USP45: variants seen among roughly 807,000 people sequenced by gnomAD.
USP45 encodes the protein ubiquitin specific peptidase 45.
In USP45, 89 loss-of-function variants were observed where a neutral mutation model predicts 95.8. The observed-to-expected ratio is 0.93, with a 90% CI of 0.78 to 1.11. USP45 has a LOEUF of 1.11. Ranked by LOEUF, USP45 falls within the 50% of genes least tolerant of loss-of-function variation. The pLI, the probability that USP45 is intolerant of heterozygous loss-of-function variation, is 0.00. For missense variants in USP45, 898 were observed against 942.5 expected, an observed-to-expected ratio of 0.95 and a Z score of 0.62; for synonymous variants, 281 against 316.2, an observed-to-expected ratio of 0.89 and a Z score of 1.18.
At chr6:99,447,932 C>A (rs1367271747) in intron 13 of USP45, among the ~76,000 whole-genome samples, 1 of 152,200 alleles carries the variant, frequency 6.6e-6, no homozygotes, top group African/African-American at 2.4e-5. Context: ...TCCAGGCAAA[C>A]AGGGCCTGGA....
chr6:99,438,222 T>A (rs1178871296), intron 16 of USP45, among the ~76,000 whole-genome samples: 1 of 152,118 alleles, frequency 6.6e-6, no homozygotes, highest in Non-Finnish European at 1.5e-5. Context: ...TATCTCTAAA[T>A]GGTGCTATGG....
rs1366742126 is a variant in USP45, at chr6:99,433,656, A to G, written c.*2060T>C. 3 of 152,254 alleles carry G rather than the reference A, an allele frequency of 2.0e-5. No homozygotes were observed. The highest frequency in any genetic ancestry group is 4.4e-5 in the Non-Finnish European group (3 of 68,046). The allele number at this position is 152,254 out of a possible 1,614,324, so 9.4% of individuals were successfully genotyped here. ...TAAGTAGCTCCTTTAACATGAAGAA[A>G]ATGACAATAAAAATATCTTACTTGC... is the stretch of plus-strand genomic sequence containing the variant. On this transcript the variant is annotated 3_prime_UTR_variant, in exon 18 of 18. Coordinates refer to ENST00000500704, the MANE Select transcript of USP45 (RefSeq NM_001346022.3).
intron 5 of USP45, chr6:99,502,050 C>T (rs547497136): frequency 1.6e-6 from 2 of 1,277,366 alleles, no homozygotes; most frequent in South Asian, 1.3e-5. Context: ...TGTTGGGGGC[C>T]TAGAGACTGA....
intron 5 of USP45, among the ~76,000 whole-genome samples, chr6:99,492,431 A>C (rs929339263): frequency 6.6e-6 from 1 of 152,232 alleles, no homozygotes; most frequent in African/African-American, 2.4e-5. Context: ...TTTTACATGT[A>C]AGTCTGTGAG....
chr6:99,446,850 C>T (rs1782654870), intron 13 of USP45, among the ~76,000 whole-genome samples: 1 of 152,128 alleles, frequency 6.6e-6, no homozygotes, highest in African/African-American at 2.4e-5. Context: ...CTCAAGTGAT[C>T]CTCCCACCTC....
At chr6:99,450,967 T>C (rs1431501278) in intron 13 of USP45, among the ~76,000 whole-genome samples, 1 of 152,210 alleles carries the variant, frequency 6.6e-6, no homozygotes, top group South Asian at 2.1e-4. Context: ...AGAAAAGGCC[T>C]TTGACAAAAT....
At chr6:99,449,483 A>C (rs1783354302) in intron 13 of USP45, among the ~76,000 whole-genome samples, 2 of 148,080 alleles carry the variant, frequency 1.4e-5, no homozygotes, top group South Asian at 4.4e-4. Context: ...CTAAATATAT[A>C]TGCACCCAAT....
At chr6:99,442,033 C>CAA (rs1162468318) in intron 15 of USP45, among the ~76,000 whole-genome samples, 2 of 152,160 alleles carry the variant, frequency 1.3e-5, no homozygotes, top group African/African-American at 4.8e-5. Flanking sequence ...CTGCTCCCTA[C>CAA]AATGCCCAAA....
intron 5 of USP45, among the ~76,000 whole-genome samples, chr6:99,490,634 G>A (rs1404953449): frequency 6.6e-6 from 1 of 152,018 alleles, no homozygotes; most frequent in Admixed American, 6.6e-5. Flanking sequence ...AAGGGGTACA[G>A]CACTGGGGGG....
chr6:99,460,198 A>G (rs1001862716), intron 13 of USP45, among the ~76,000 whole-genome samples: 11 of 79,576 alleles, frequency 1.4e-4, no homozygotes, highest in Non-Finnish European at 1.5e-4. Context: ...CTGTAGTATA[A>G]TTTAGCAAAG....
chr6:99,515,043 A>AACAC (rs1031763947), intron 1 of USP45: 1 of 152,236 alleles, frequency 6.6e-6, no homozygotes. Flanking sequence ...TCCGGTCACC[A>AACAC]ACACACACAC....
At chr6:99,473,777 AACAC>A (rs60031754) in intron 9 of USP45, among the ~76,000 whole-genome samples, 10 of 127,736 alleles carry the variant, frequency 7.8e-5, no homozygotes, top group East Asian at 4.8e-4. Context: ...AAAAAAACAA[AACAC>A]ACACACACAC....
intron 1 of USP45, among the ~76,000 whole-genome samples, chr6:99,512,690 T>C (rs929642268): frequency 1.3e-5 from 2 of 152,150 alleles, no homozygotes; most frequent in Non-Finnish European, 2.9e-5. Context: ...AGCTTTCAAG[T>C]TTACCATTAA....
At chr6:99,487,882 C>G (rs1794339319) in intron 7 of USP45, among the ~76,000 whole-genome samples, 1 of 152,090 alleles carries the variant, frequency 6.6e-6, no homozygotes, top group African/African-American at 2.4e-5. Flanking sequence ...ACAAATGTCA[C>G]CAGAAACTAC....
intron 13 of USP45, among the ~76,000 whole-genome samples, chr6:99,459,682 G>A (rs758160788): frequency 1.3e-5 from 2 of 152,152 alleles, no homozygotes; most frequent in African/African-American, 2.4e-5. Flanking sequence ...TCTGACTGGT[G>A]TGACATGGTA....
chr6:99,485,689 C>A lies in USP45; in HGVS notation c.714+2511G>T, dbSNP rs1017722294. Among the ~76,000 whole-genome samples the A allele has an allele frequency of 5.9e-5, 9 of 152,262 alleles. No homozygotes were observed. In the South Asian group the frequency reaches 1.7e-3, roughly 28 times the overall value. On this transcript the variant is annotated intron_variant, in intron 7 of 17. Coordinates refer to ENST00000500704, the MANE Select transcript of USP45 (RefSeq NM_001346022.3). ...CATCAAGTTATACACTCATAATATA[C>A]ATTTTAAAGAATATTTTCATTAAAT...
intron 5 of USP45, 44 bp downstream of exon 5, chr6:99,503,721 T>C: frequency 7.8e-7 from 1 of 1,278,590 alleles, no homozygotes; most frequent in Non-Finnish European, 1.1e-6. Context: ...CTATATGAAA[T>C]ACTGTATTTT....
chr6:99,510,987 A>T (rs1799658778), intron 1 of USP45, among the ~76,000 whole-genome samples: 1 of 152,102 alleles, frequency 6.6e-6, no homozygotes, highest in Non-Finnish European at 1.5e-5. Flanking sequence ...TAGTAAAGCC[A>T]CTCTATACCT....
intron 13 of USP45, chr6:99,462,753 G>A: frequency 1.1e-6 from 1 of 931,660 alleles, no homozygotes; most frequent in Non-Finnish European, 1.3e-6. Context: ...ACCAAGGCAG[G>A]TAGATCACTT....
Sources: allele counts gnomAD v4.1 joint callset (sites outside exome capture counted in the v4.1 genomes callset), GRCh38; gene constraint gnomAD v4.1.1; transcripts MANE v1.5; gene names NCBI Gene and HGNC (gene_info 2026-07-23, HGNC 2026-07-21).